CAP2: variants seen among roughly 807,000 people sequenced by gnomAD.
CAP2 encodes cyclase associated actin cytoskeleton regulatory protein 2.
In CAP2, 24 loss-of-function variants were observed where a neutral mutation model predicts 57.7. The ratio of observed to expected loss-of-function variants is 0.42; its 90% CI spans 0.30 to 0.58. The LOEUF is 0.58. Among genes scored for constraint, CAP2 ranks in the 20% least tolerant of loss-of-function variants. CAP2 has a pLI of 0.22. For synonymous variants in CAP2, 194 were observed against 207.2 expected, an observed-to-expected ratio of 0.94 and a Z score of 0.55; for missense variants, 501 against 590.3, an observed-to-expected ratio of 0.85 and a Z score of 1.57.
intron 11 of CAP2, among the ~76,000 whole-genome samples, chr6:17,543,400 G>A (rs542812799): frequency 4.6e-5 from 7 of 151,788 alleles, no homozygotes; most frequent in East Asian, 3.9e-4. Context: ...GGCGGATCAC[G>A]AGGTCAGGAG....
chr6:17,494,187 TAGAAA>T (rs1761610706), intron 4 of CAP2, among the ~76,000 whole-genome samples: 1 of 152,176 alleles, frequency 6.6e-6, no homozygotes, highest in Non-Finnish European at 1.5e-5. Context: ...GAGCGATCCT[TAGAAA>T]AGAAAACCAC....
chr6:17,459,323 C>T (rs1378140800), intron 3 of CAP2, among the ~76,000 whole-genome samples: 3 of 152,160 alleles, frequency 2.0e-5, no homozygotes, highest in Non-Finnish European at 4.4e-5. Context: ...TTCTAGCAGG[C>T]CTTAAAGAAT....
At chr6:17,455,781 C>G (rs1392377541) in intron 3 of CAP2, among the ~76,000 whole-genome samples, 1 of 152,136 alleles carries the variant, frequency 6.6e-6, no homozygotes, top group Non-Finnish European at 1.5e-5. Flanking sequence ...GTGATCTGCC[C>G]TCCTCGGCCT....
At chr6:17,549,579 G>T (rs986317215) in intron 11 of CAP2, among the ~76,000 whole-genome samples, 2 of 152,214 alleles carry the variant, frequency 1.3e-5, no homozygotes, top group African/African-American at 4.8e-5. Context: ...ATGAAAATAT[G>T]TATAACCTAC....
intron 4 of CAP2, among the ~76,000 whole-genome samples, chr6:17,466,436 C>T (rs1760866791): frequency 6.6e-6 from 1 of 152,204 alleles, no homozygotes; most frequent in Non-Finnish European, 1.5e-5. Context: ...TACTCCTCGT[C>T]CAGAGACCAC....
chr6:17,486,498 C>G (rs954067344), intron 4 of CAP2, among the ~76,000 whole-genome samples: 1 of 151,030 alleles, frequency 6.6e-6, no homozygotes, highest in Non-Finnish European at 1.5e-5. Context: ...CCCAGCTACT[C>G]GGGAGGCTGA....
chr6:17,420,219 T>G (rs531799839), intron 1 of CAP2, among the ~76,000 whole-genome samples: 2 of 152,286 alleles, frequency 1.3e-5, no homozygotes, highest in African/African-American at 4.8e-5. Flanking sequence ...TAATCCCTAT[T>G]TATCCCAGCC....
chr6:17,422,702 T>A (rs969567945), intron 2 of CAP2, among the ~76,000 whole-genome samples: 2 of 152,180 alleles, frequency 1.3e-5, no homozygotes, highest in East Asian at 1.9e-4. Flanking sequence ...AAACATTTTT[T>A]AATTATATCA....
At chr6:17,530,622 G>A (rs182851453) in intron 7 of CAP2, among the ~76,000 whole-genome samples, 3 of 152,196 alleles carry the variant, frequency 2.0e-5, no homozygotes, top group African/African-American at 4.8e-5. Context: ...ACAGTGCCAC[G>A]GCATGTCAGC....
At chr6:17,466,800 G>C (rs1178708643) in intron 4 of CAP2, among the ~76,000 whole-genome samples, 2 of 152,124 alleles carry the variant, frequency 1.3e-5, no homozygotes, top group African/African-American at 4.8e-5. Flanking sequence ...TACCATTTCT[G>C]TAGCAAAGTA....
At chr6:17,425,731 G>A (rs1759571867) in intron 2 of CAP2, among the ~76,000 whole-genome samples, 1 of 152,150 alleles carries the variant, frequency 6.6e-6, no homozygotes, top group Non-Finnish European at 1.5e-5. Flanking sequence ...AAATTATGTA[G>A]CGTCTTTACT....
chr6:17,537,636 T>C (rs564849958), intron 7 of CAP2, among the ~76,000 whole-genome samples: 12 of 152,326 alleles, frequency 7.9e-5, no homozygotes, highest in African/African-American at 2.6e-4. Context: ...TACGTAATGT[T>C]TTACCTTTCA....
chr6:17,447,625 CG>C, intron 3 of CAP2, among the ~76,000 whole-genome samples: 1 of 152,164 alleles, frequency 6.6e-6, no homozygotes, highest in Non-Finnish European at 1.5e-5. Context: ...CAGCCTCCGG[CG>C]TAGCTGGGAT....
chr6:17,534,140 T>C (rs1013739705), intron 7 of CAP2, among the ~76,000 whole-genome samples: 1 of 152,204 alleles, frequency 6.6e-6, no homozygotes, highest in African/African-American at 2.4e-5. Flanking sequence ...ATCAGAATCC[T>C]GTAGGTCCTG....
At chr6:17,455,640 G>A (rs1413559535) in intron 3 of CAP2, among the ~76,000 whole-genome samples, 1 of 151,640 alleles carries the variant, frequency 6.6e-6, no homozygotes. Context: ...GGTTCATGCT[G>A]TTCTCCTGCC....
At chr6:17,523,846 C>T (rs912929901) in intron 7 of CAP2, among the ~76,000 whole-genome samples, 5 of 152,174 alleles carry the variant, frequency 3.3e-5, no homozygotes, top group Admixed American at 2.0e-4. Context: ...GAGGTTGAGG[C>T]GGTTGGATCA....
rs1019101398 is a variant in CAP2, at chr6:17,454,749, C to A, written c.223-8247C>A. On this transcript the variant is annotated intron_variant, in intron 3 of 12. Transcript: ENST00000229922. ...ATTGGCTTGACGCAATTATATCCAG[C>A]TCTCATGATCTGCATTGTTTTCATT... Among the ~76,000 whole-genome samples, 9 of 152,340 alleles carry A rather than the reference C, an allele frequency of 5.9e-5. 1 individual carries two copies. The highest frequency in any genetic ancestry group is 1.0e-4 in the Non-Finnish European group (7 of 68,040).
chr6:17,465,997 G>A (rs1203722381), intron 4 of CAP2, among the ~76,000 whole-genome samples: 3 of 152,134 alleles, frequency 2.0e-5, no homozygotes, highest in Non-Finnish European at 4.4e-5. Context: ...CACACATTCA[G>A]GTGGATCTGC....
intron 7 of CAP2, among the ~76,000 whole-genome samples, chr6:17,521,277 C>G (rs543741769): frequency 6.6e-6 from 1 of 151,862 alleles, no homozygotes; most frequent in Non-Finnish European, 1.5e-5. Flanking sequence ...AAATTAGCCG[C>G]ACAAGGTGGC....
Sources: allele counts gnomAD v4.1 joint callset (sites outside exome capture counted in the v4.1 genomes callset), GRCh38; gene constraint gnomAD v4.1.1; transcripts MANE v1.5; gene names NCBI Gene and HGNC (gene_info 2026-07-23, HGNC 2026-07-21).